The following CLNS1A variants were observed in gnomAD, a reference collection of about 807,000 sequenced individuals.
The protein encoded by CLNS1A is methylosome subunit pICln.
Under a neutral mutation model 29.4 loss-of-function variants are expected in CLNS1A, and 16 were observed. The ratio of observed to expected loss-of-function variants is 0.54; its 90% CI spans 0.37 to 0.83. The LOEUF (loss-of-function observed/expected upper bound fraction) is 0.83. Ranked by LOEUF, CLNS1A falls within the 40% of genes least tolerant of loss-of-function variation. The pLI is 0.00. For synonymous variants in CLNS1A, 96 were observed against 104.8 expected, an observed-to-expected ratio of 0.92 and a Z score of 0.51; for missense variants, 235 against 287.4, an observed-to-expected ratio of 0.82 and a Z score of 1.32.
At position 77,637,777 on chromosome 11, in the gene CLNS1A, C is replaced by G. The variant is rs1959150131; in HGVS notation, c.-63G>C. 6.7e-7 allele frequency: 1 copy of G among 1,485,420 alleles called. No individual in the cohort carries two copies. The highest frequency in any genetic ancestry group is 2.6e-5 in the East Asian group (1 of 38,896). The allele number at this position is 1,485,420 out of a possible 1,614,324, so 92.0% of individuals were successfully genotyped here. A position where few individuals can be genotyped will look rare whatever the true frequency, so the allele number is the denominator to read the frequency against. ...GGAGCACAGCAATGCGTGCACCACA[C>G]CGCCCGCCCTGGAAGAGGCAGTCAC... On this transcript the variant is annotated 5_prime_UTR_variant, in exon 1 of 7. Coordinates refer to ENST00000525428, the MANE Select transcript of CLNS1A (RefSeq NM_001293.3).
chr11:77,618,999 G>C (rs1285415143), intron 6 of CLNS1A, among the ~76,000 whole-genome samples: 1 of 152,132 alleles, frequency 6.6e-6, no homozygotes, highest in African/African-American at 2.4e-5. Context: ...AATGCTATAA[G>C]GTAGGAGGAA....
chr11:77,634,991 G>C (rs1959110010), intron 1 of CLNS1A, among the ~76,000 whole-genome samples: 1 of 152,098 alleles, frequency 6.6e-6, no homozygotes, highest in East Asian at 1.9e-4. Context: ...TCTTTGCAGA[G>C]ATGGGGTTTT....
intron 1 of CLNS1A, among the ~76,000 whole-genome samples, chr11:77,635,377 A>G (rs527471887): frequency 1.6e-4 from 23 of 144,924 alleles, no homozygotes; most frequent in Non-Finnish European, 2.9e-4. Context: ...TTTTTGAGAC[A>G]GTCTCACTCT....
chr11:77,626,271 T>A lies in CLNS1A; in HGVS notation c.263-453A>T, dbSNP rs1173849988. Among the ~76,000 whole-genome samples the A allele has an allele frequency of 2.6e-5, 4 of 152,106 alleles. No individual in the cohort carries two copies. In the East Asian group the frequency reaches 7.7e-4, roughly 29 times the overall value. On this transcript the variant is annotated intron_variant, in intron 2 of 6. Transcript: ENST00000525428. The stretch of plus-strand genomic sequence containing the variant: ...CCTGCTAATTTTTGTTTTTTTGAGA[T>A]GGGGTCTTACGATGTTGCCCAGGCT...
intron 2 of CLNS1A, among the ~76,000 whole-genome samples, chr11:77,628,015 AGGGTTTCACCATGTTG>A (rs1236954907): frequency 6.6e-6 from 1 of 152,074 alleles, no homozygotes; most frequent in Non-Finnish European, 1.5e-5. Flanking sequence ...TAGTAGAGAC[AGGGTTTCACCATGTTG>A]GCCAGGATGG....
Position 77,625,018 on chromosome 11 carries a change from A to G in CLNS1A, c.417T>C (p.Pro139=), listed in dbSNP as rs141952158. 1 of 1,614,066 alleles carries G rather than the reference A, an allele frequency of 6.2e-7. No individual in the cohort carries two copies. Among genetic ancestry groups the G allele is most frequent in the Non-Finnish European group, 8.5e-7 (1 of 1,179,940 alleles). Residue 139 remains proline (P), a synonymous_variant, in exon 4 of 7, where the codon CCT becomes CCC. Transcript: ENST00000525428. ...CGTAGTCATCTGAATCCTCATCCTCAGGATCTGGATGCAAGGCCTGGCATT... is the reference window on the plus strand; with the variant it reads ...CGTAGTCATCTGAATCCTCATCCTCGGGATCTGGATGCAAGGCCTGGCATT... ...MCECQALHPD[P]EDEDSDDYDG...
At chr11:77,617,685 C>T (rs971144475) in intron 6 of CLNS1A, among the ~76,000 whole-genome samples, 13 of 151,710 alleles carry the variant, frequency 8.6e-5, no homozygotes, top group African/African-American at 2.4e-4. Context: ...TTTGAGAGGC[C>T]GAGGCAGGCG....
intron 6 of CLNS1A, 41 bp downstream of exon 6, chr11:77,619,565 A>T: frequency 8.1e-7 from 1 of 1,239,534 alleles, no homozygotes. Context: ...ATTTCATATG[A>T]TTTTCATGAT....
At chr11:77,627,753 C>A (rs1959035153) in intron 2 of CLNS1A, among the ~76,000 whole-genome samples, 1 of 152,118 alleles carries the variant, frequency 6.6e-6, no homozygotes, top group Non-Finnish European at 1.5e-5. Context: ...CTAATATACT[C>A]CCTTAACTTT....
Position 77,616,143 on chromosome 11 carries a change from G to C in CLNS1A, c.*575C>G, listed in dbSNP as rs969086780. On this transcript the variant is annotated 3_prime_UTR_variant, in exon 7 of 7. Coordinates refer to ENST00000525428, the MANE Select transcript of CLNS1A (RefSeq NM_001293.3). ...CATTAATGGTTTTAGTCAAGAATGA[G>C]AGCAAAGTAATATAGAAAACCTAGG... is the stretch of plus-strand genomic sequence containing the variant. 3 of 152,122 alleles carry C rather than the reference G, an allele frequency of 2.0e-5. No individual in the cohort carries two copies. The highest frequency in any genetic ancestry group is 4.4e-5 in the Non-Finnish European group (3 of 68,018). The allele number at this position is 152,122 out of a possible 1,614,324, so 9.4% of individuals were successfully genotyped here. A position where few individuals can be genotyped will look rare whatever the true frequency, so the allele number is the denominator to read the frequency against.
At chr11:77,627,291 T>C (rs940145326) in intron 2 of CLNS1A, among the ~76,000 whole-genome samples, 3 of 149,528 alleles carry the variant, frequency 2.0e-5, no homozygotes, top group East Asian at 2.0e-4. Context: ...AAAAAAAAAT[T>C]AGCGGGGCGT....
At position 77,615,797 on chromosome 11, in the gene CLNS1A, T is replaced by C. The variant is rs926829167; in HGVS notation, c.*921A>G. ...ATGTGATCCTGTTAAGAAGGTTAGC[T>C]TGTATAACCTTATTTTTAAGGACAC... is the stretch of plus-strand genomic sequence containing the variant. On this transcript the variant is annotated 3_prime_UTR_variant, in exon 7 of 7. Coordinates refer to ENST00000525428, the MANE Select transcript of CLNS1A (RefSeq NM_001293.3). 3 of 152,234 alleles carry C rather than the reference T, an allele frequency of 2.0e-5. No individual in the cohort carries two copies. Among genetic ancestry groups the C allele is most frequent in the African/African-American group, 7.2e-5 (3 of 41,470 alleles). 9.4% of individuals were successfully genotyped at this position (152,234 alleles called of 1,614,324 possible).
intron 6 of CLNS1A, among the ~76,000 whole-genome samples, chr11:77,617,865 C>A: frequency 6.6e-6 from 1 of 151,016 alleles, no homozygotes; most frequent in Non-Finnish European, 1.5e-5. Flanking sequence ...TTGCAGTGAG[C>A]CAAGATCACA....
intron 2 of CLNS1A, among the ~76,000 whole-genome samples, chr11:77,627,755 C>CT (rs1959035235): frequency 6.6e-6 from 1 of 152,136 alleles, no homozygotes; most frequent in African/African-American, 2.4e-5. Context: ...AATATACTCC[C>CT]TTAACTTTTT....
At chr11:77,630,217 G>C (rs964104875) in intron 1 of CLNS1A, among the ~76,000 whole-genome samples, 11 of 152,004 alleles carry the variant, frequency 7.2e-5, no homozygotes, top group African/African-American at 2.7e-4. Flanking sequence ...CTTTGCTTTT[G>C]CAAATCCTCC....
rs748113333 is a variant in CLNS1A at position 77,616,686 on chromosome 11, G to C, written c.*32C>G. 2 of 152,536 alleles carry C rather than the reference G, an allele frequency of 1.3e-5. No individual in the cohort carries two copies. The highest frequency in any genetic ancestry group is 2.9e-5 in the Non-Finnish European group (2 of 68,044). The allele number at this position is 152,536 out of a possible 1,614,324, so 9.4% of individuals were successfully genotyped here. On this transcript the variant is annotated 3_prime_UTR_variant, in exon 7 of 7. Coordinates refer to ENST00000525428, the MANE Select transcript of CLNS1A (RefSeq NM_001293.3). ...GGCACCAAGTTCTCTCCTACACTTA[G>C]GAGCAGAATCTGAAAAACAAAAGGT...
intron 1 of CLNS1A, 62 bp downstream of exon 1, chr11:77,637,528 C>G (rs1021777703): frequency 6.6e-7 from 1 of 1,520,988 alleles, no homozygotes. Flanking sequence ...CTTCGCACCG[C>G]CTGCTCCAGC....
intron 1 of CLNS1A, among the ~76,000 whole-genome samples, chr11:77,633,890 C>G (rs543280081): frequency 6.6e-6 from 1 of 151,906 alleles, no homozygotes; most frequent in African/African-American, 2.4e-5. Context: ...CATCTAAGTT[C>G]GGGAGTTTGA....
chr11:77,622,532 A>G lies in CLNS1A; in HGVS notation c.614T>C (p.Val205Ala). 6.2e-7 allele frequency: 1 copy of G among 1,608,882 alleles called. No homozygotes were observed. Among genetic ancestry groups the G allele is most frequent in the South Asian group, 1.1e-5 (1 of 89,824 alleles). ...SVSSQYNMAG[V>A]RTEDSIRDYE... Reference sequence around the variant, plus strand: ...ATCTCTTATTGAATCTTCTGTCCTGACCCCAGCCATATTATACTGGCTGCT... The same window carrying G: ...ATCTCTTATTGAATCTTCTGTCCTGGCCCCAGCCATATTATACTGGCTGCT... The change falls in exon 5 of 7, where the codon GTC becomes GCC. Residue 205 changes from valine to alanine, a missense_variant. Transcript: ENST00000525428.
Sources: gnomAD v4.1 joint callset for allele counts (sites outside exome capture counted in the v4.1 genomes callset) on GRCh38, gnomAD v4.1.1 for gene constraint, MANE v1.5 for transcripts, NCBI Gene and HGNC (gene_info 2026-07-23, HGNC 2026-07-21) for gene names.